The following SYT7 variants were observed in gnomAD, a reference collection of about 807,000 sequenced individuals.
The protein encoded by SYT7 is synaptotagmin 7, also known as synaptotagmin-7.
In SYT7, 29 loss-of-function variants were observed where a neutral mutation model predicts 75.1. The observed-to-expected ratio is 0.39, with a 90% CI of 0.29 to 0.53. The LOEUF is 0.53. Ranked by LOEUF, SYT7 falls within the 20% of genes least tolerant of loss-of-function variation. SYT7 has a pLI of 0.77. For missense variants in SYT7, 693 were observed against 953.2 expected (o/e 0.73, Z 3.59); for synonymous variants, 376 against 401.7 (o/e 0.94, Z 0.76).
At chr11:61,543,316 G>C (rs1218256589) in intron 5 of SYT7, among the ~76,000 whole-genome samples, 1 of 152,206 alleles carries the variant, frequency 6.6e-6, no homozygotes, top group Admixed American at 6.5e-5. Flanking sequence ...AGTGCACACA[G>C]GGTGGAACCC....
chr11:61,523,213 C>T lies in SYT7; in HGVS notation c.1818G>A (p.Val606=). The T allele has an allele frequency of 6.2e-7, 1 of 1,614,218 alleles. No individual in the cohort carries two copies. The highest frequency in any genetic ancestry group is 1.1e-5 in the South Asian group (1 of 91,082). ...KDKRVEKKKT[V]TMKRNLNPIF... ...TGGGGTTCAGGTTCCTCTTCATCGT[C>T]ACCGTCTTCTTCTTCTCCACCCGCT... Residue 606 remains valine (V), a synonymous_variant, in exon 12 of 13, where the codon GTG becomes GTA. Coordinates refer to ENST00000539008, the MANE Select transcript of SYT7 (RefSeq NM_001365809.2). This position sits in a 1 kb window ranked among gnomAD's most constrained non-coding sequence, Gnocchi z 5.0.
At chr11:61,556,278 C>A in intron 1 of SYT7, 71 bp from the exon 2 acceptor site, 2 of 1,262,816 alleles carry the variant, frequency 1.6e-6, no homozygotes, top group East Asian at 5.0e-5. Context: ...CCAGAGCCCT[C>A]CAGAACCACC....
intron 2 of SYT7, 95 bp downstream of exon 2, chr11:61,556,009 A>G (rs2063491803): frequency 8.2e-7 from 1 of 1,217,494 alleles, no homozygotes; most frequent in Non-Finnish European, 1.2e-6. Context: ...CACCCTTGGG[A>G]AAATTCCCAA....
chr11:61,573,111 G>A (rs983657571), intron 1 of SYT7, among the ~76,000 whole-genome samples: 1 of 152,240 alleles, frequency 6.6e-6, no homozygotes, highest in Non-Finnish European at 1.5e-5. Context: ...AGACAGGTTG[G>A]CTTTGGTGGG....
At chr11:61,587,289 G>A in the SYT7 span, among the ~76,000 whole-genome samples, 10 of 152,196 alleles carry the variant, frequency 6.6e-5, no homozygotes, top group Non-Finnish European at 1.5e-4. Context: ...CTCCTCTCAG[G>A]GAGCCCAGGC....
At chr11:61,558,525 C>T (rs1590923615) in intron 1 of SYT7, among the ~76,000 whole-genome samples, 1 of 151,354 alleles carries the variant, frequency 6.6e-6, no homozygotes, top group Non-Finnish European at 1.5e-5. Context: ...CACACACACA[C>T]ACACACACAC....
chr11:61,561,694 G>A (rs2063639825), intron 1 of SYT7, among the ~76,000 whole-genome samples: 1 of 152,052 alleles, frequency 6.6e-6, no homozygotes, highest in Non-Finnish European at 1.5e-5. Flanking sequence ...AAGAATGAAG[G>A]AGGAAGAATC....
At chr11:61,538,399 G>C (rs1031844993) in intron 6 of SYT7, 133 bp from the exon 7 acceptor site, 81 of 759,248 alleles carry the variant, frequency 1.1e-4, no homozygotes, top group African/African-American at 3.2e-4. Flanking sequence ...AAGAGAGAGA[G>C]AGAGACAGAG....
intron 12 of SYT7, 83 bp downstream of exon 12, chr11:61,522,992 G>A (rs1234719219): frequency 2.1e-5 from 30 of 1,420,166 alleles, no homozygotes; most frequent in Admixed American, 1.7e-5. Flanking sequence ...GCCTGTGCCC[G>A]TCCACTACCC....
intron 3 of SYT7, among the ~76,000 whole-genome samples, chr11:61,548,222 G>T (rs760587857): frequency 6.6e-6 from 1 of 152,228 alleles, no homozygotes; most frequent in Non-Finnish European, 1.5e-5. Flanking sequence ...CTGTGTAGCG[G>T]GAACCTGTCC....
At chr11:61,533,755 C>CA (rs1232494066) in intron 7 of SYT7, 2 of 817,628 alleles carry the variant, frequency 2.4e-6, no homozygotes, top group Non-Finnish European at 3.0e-6. Flanking sequence ...TGCACTTGAG[C>CA]ATTTGCAATG....
chr11:61,527,140 C>T (rs1457651425), intron 9 of SYT7, among the ~76,000 whole-genome samples: 3 of 152,132 alleles, frequency 2.0e-5, no homozygotes, highest in East Asian at 1.9e-4. Context: ...AGAGGGCTTG[C>T]AGGAGAGAGA....
intron 2 of SYT7, among the ~76,000 whole-genome samples, chr11:61,555,851 C>A (rs1459447714): frequency 6.6e-6 from 1 of 152,018 alleles, no homozygotes; most frequent in Non-Finnish European, 1.5e-5. Flanking sequence ...CGAATGTGTC[C>A]CTAGATGCAT....
chr11:61,514,002 A>AG lies in SYT7; in HGVS notation c.*4624dup, dbSNP rs1012333749. Among the ~76,000 whole-genome samples the AG allele has an allele frequency of 4.0e-5, 6 of 151,756 alleles. No individual in the cohort carries two copies. The highest frequency in any genetic ancestry group is 1.3e-4 in the Admixed American group (2 of 15,214). ...AGCCTTCCAGAAAGCAGCAGTATCCAGGGGGGGACTCACAGGAGAAAGAAA... is the reference window on the plus strand; with the variant it reads ...AGCCTTCCAGAAAGCAGCAGTATCCAGGGGGGGGACTCACAGGAGAAAGAAA... On this transcript the variant is annotated 3_prime_UTR_variant, in exon 13 of 13. Transcript: ENST00000539008.
rs1006008373 is a variant in SYT7, at chr11:61,576,806, G to C, written c.31+3984C>G. On this transcript the variant is annotated intron_variant, in intron 1 of 12. Coordinates refer to ENST00000539008, the MANE Select transcript of SYT7 (RefSeq NM_001365809.2). The surrounding 1 kb of genome is among the most constrained non-coding windows in gnomAD (Gnocchi z 4.1). ...TTCCACACAACATCCTGCAATGGCC[G>C]GGCTAGAGGGTGTAACAAGGAGACA... Among the ~76,000 whole-genome samples, 2 of 152,080 alleles carry C rather than the reference G, an allele frequency of 1.3e-5. No individual in the cohort carries two copies. The highest frequency in any genetic ancestry group is 3.9e-4 in the East Asian group (2 of 5,174).
intron 6 of SYT7, chr11:61,540,932 T>C (rs1320437358): frequency 3.9e-5 from 38 of 985,340 alleles, no homozygotes; most frequent in Non-Finnish European, 4.6e-5. Flanking sequence ...GTTAGATTCC[T>C]GCAGGTCCTT....
At position 61,580,131 on chromosome 11, in the gene SYT7, GTTGT is replaced by G. The variant is rs1224439083; in HGVS notation, c.31+655_31+658del. Among the ~76,000 whole-genome samples the G allele has an allele frequency of 2.6e-5, 4 of 152,046 alleles. No homozygotes were observed. The highest frequency in any genetic ancestry group is 9.6e-5 in the African/African-American group (4 of 41,462). Reference sequence around the variant, plus strand: ...ACCCCAGGACGGGAGAGAGTTTGGGGTTGTTTGCTTCCCCCTCCCCAAACCTAGG... The same window carrying G: ...ACCCCAGGACGGGAGAGAGTTTGGGGTTGCTTCCCCCTCCCCAAACCTAGG... On this transcript the variant is annotated intron_variant, in intron 1 of 12. Transcript: ENST00000539008. The surrounding 1 kb of genome is among the most constrained non-coding windows in gnomAD (Gnocchi z 6.1).
At chr11:61,569,268 CA>C (rs1008587404) in intron 1 of SYT7, among the ~76,000 whole-genome samples, 1 of 152,112 alleles carries the variant, frequency 6.6e-6, no homozygotes, top group African/African-American at 2.4e-5. Context: ...CCACAGAGGG[CA>C]GGGGGGTTGT....
In SYT7 at chr11:61,522,472, G is replaced by C. The variant is rs2062372951; in HGVS notation, c.1956+603C>G. On this transcript the variant is annotated intron_variant, in intron 12 of 12. Transcript: ENST00000539008. Reference sequence around the variant, plus strand: ...CCCAAAGTGCTGGGATTACAGGCATGAGCCACTGTGCCCGGCCAACTTTCT... The same window carrying C: ...CCCAAAGTGCTGGGATTACAGGCATCAGCCACTGTGCCCGGCCAACTTTCT... Among the ~76,000 whole-genome samples the C allele has an allele frequency of 3.3e-5, 5 of 152,332 alleles. No homozygotes were observed. In the South Asian group the frequency reaches 1.0e-3, roughly 32 times the overall value.
Sources: gnomAD v4.1 joint callset for allele counts (sites outside exome capture counted in the v4.1 genomes callset) on GRCh38, gnomAD v4.1.1 for gene constraint, Gnocchi (gnomAD v3.1) non-coding constraint, MANE v1.5 for transcripts, NCBI Gene and HGNC (gene_info 2026-07-23, HGNC 2026-07-21) for gene names.